The following CCDC136 variants were observed in gnomAD, a reference collection of about 807,000 sequenced individuals.
The protein encoded by CCDC136 is coiled-coil domain containing 136.
CCDC136 carries 100 observed loss-of-function variants against 141.2 expected under a neutral mutation model. The ratio of observed to expected loss-of-function variants is 0.71; its 90% CI spans 0.60 to 0.84. The LOEUF (loss-of-function observed/expected upper bound fraction) is 0.84, where lower values mean the gene tolerates loss of function less well. CCDC136 is among the 40% of genes least tolerant of loss of function. The pLI is 0.00. For missense variants in CCDC136, 1,206 were observed against 1,379.4 expected (o/e 0.87, Z 1.99); for synonymous variants, 474 against 531.9 (o/e 0.89, Z 1.50).
At chr7:128,813,129 C>G (rs563558821) in intron 14 of CCDC136, among the ~76,000 whole-genome samples, 200 bp downstream of exon 14, 1 of 152,222 alleles carries the variant, frequency 6.6e-6, no homozygotes, top group African/African-American at 2.4e-5. Context: ...CTTCTCTCAT[C>G]GAATGATTTC....
Position 128,817,971 on chromosome 7 carries a change from AT to A in CCDC136, c.*5+111del. On this transcript the variant is annotated intron_variant, in intron 17 of 17. Transcript: ENST00000297788. The surrounding 1 kb of genome is among the most constrained non-coding windows in gnomAD (Gnocchi z 4.6). ...CAGCTGCTTGCTTCTTGCTTGTGCC[AT>A]TTTATAATAGGTGATGCTCAGGTCT... 1.2e-6 allele frequency: 1 copy of A among 810,698 alleles called. No individual in the cohort carries two copies. The highest frequency in any genetic ancestry group is 2.1e-6 in the Non-Finnish European group (1 of 483,528). 50.2% of individuals were successfully genotyped at this position (810,698 alleles called of 1,614,324 possible). A position where few individuals can be genotyped will look rare whatever the true frequency, so the allele number is the denominator to read the frequency against.
intron 4 of CCDC136, 29 bp downstream of exon 4, chr7:128,801,538 A>G: frequency 6.9e-7 from 1 of 1,449,536 alleles, no homozygotes; most frequent in Non-Finnish European, 9.5e-7. Context: ...GGGTCAGTAA[A>G]GTCAAGCAGA....
chr7:128,791,162 G>T (rs1391322199), upstream of CCDC136, among the ~76,000 whole-genome samples: 1 of 152,192 alleles, frequency 6.6e-6, no homozygotes, highest in Non-Finnish European at 1.5e-5. This position sits in a 1 kb window ranked among gnomAD's most constrained non-coding sequence, Gnocchi z 7.1. Context: ...AGAACCAGGG[G>T]ATCTCGCTCC....
In CCDC136 at chr7:128,814,658, G is replaced by A. The variant is rs763639427; in HGVS notation, c.2784G>A (p.Lys928=). ...AACAGATCAAAGAACTGCAGACCAA[G>A]CTGCGGGAGCTGCAGCTGCAATACC... The part of the protein sequence containing the change: ...DKNEIKELQT[K]LRELQLQYQA... The change falls in exon 15 of 18, where the codon AAG becomes AAA. Residue 928 remains lysine (K), a synonymous_variant. Transcript: ENST00000297788. 1 of 1,590,068 alleles carries A rather than the reference G, an allele frequency of 6.3e-7. No homozygotes were observed. Among genetic ancestry groups the A allele is most frequent in the South Asian group, 1.1e-5 (1 of 88,088 alleles).
At chr7:128,797,023 G>A (rs185091442) in intron 3 of CCDC136, among the ~76,000 whole-genome samples, 1 of 152,058 alleles carries the variant, frequency 6.6e-6, no homozygotes, top group Non-Finnish European at 1.5e-5. Context: ...TTACAGGCGT[G>A]AGCCACCGCG....
chr7:128,806,105 C>A, intron 7 of CCDC136, 132 bp from the exon 8 acceptor site: 1 of 988,492 alleles, frequency 1.0e-6, no homozygotes, highest in Non-Finnish European at 1.5e-6. Context: ...GTCCATCTCA[C>A]AGAAGAAACC....
chr7:128,798,622 G>GTT (rs1803485315), intron 3 of CCDC136, among the ~76,000 whole-genome samples: 2 of 151,986 alleles, frequency 1.3e-5, no homozygotes, highest in African/African-American at 4.8e-5. Flanking sequence ...AGCATATTAG[G>GTT]GAGGTGGAGG....
At position 128,794,804 on chromosome 7, in the gene CCDC136, A is replaced by G; in HGVS notation, c.346+36A>G. On this transcript the variant is annotated intron_variant, in intron 3 of 17. Coordinates refer to ENST00000297788, the MANE Select transcript of CCDC136 (RefSeq NM_022742.5). The surrounding 1 kb of genome is among the most constrained non-coding windows in gnomAD (Gnocchi z 4.3). ...GGACTTGGACTGGAGGGAGGTGGCC[A>G]TCCAAGTGGTCACCTAAGTACTTTT... 6.6e-7 allele frequency: 1 copy of G among 1,512,948 alleles called. No individual in the cohort carries two copies. Among genetic ancestry groups the G allele is most frequent in the Non-Finnish European group, 9.0e-7 (1 of 1,113,046 alleles). 93.7% of individuals were successfully genotyped at this position (1,512,948 alleles called of 1,614,324 possible).
chr7:128,801,429 C>T lies in CCDC136; in HGVS notation c.590C>T (p.Ala197Val), dbSNP rs1319626307. Residue 197 changes from alanine (A) to valine (V), a missense_variant, in exon 4 of 18, where the codon GCC (alanine) becomes GTC (valine). Coordinates refer to ENST00000297788, the MANE Select transcript of CCDC136 (RefSeq NM_022742.5). ...RIRGDYEMEI[A>V]SLRAEMEMKS... ...CGGGGAGATTATGAGATGGAGATCG[C>T]CTCCCTCCGTGCAGAAATGGAAATG... 2.5e-6 allele frequency: 4 copies of T among 1,613,232 alleles called. No individual in the cohort carries two copies. Among genetic ancestry groups the T allele is most frequent in the African/African-American group, 2.7e-5 (2 of 74,866 alleles).
At position 128,821,786 on chromosome 7, in the gene CCDC136, T is replaced by C. The variant is rs1301019936; in HGVS notation, c.*6-13T>C. The C allele has an allele frequency of 7.7e-7, 1 of 1,290,482 alleles. No individual in the cohort carries two copies. 79.9% of individuals were successfully genotyped at this position (1,290,482 alleles called of 1,614,324 possible). A position where few individuals can be genotyped will look rare whatever the true frequency, so the allele number is the denominator to read the frequency against. On this transcript the variant is annotated splice_polypyrimidine_tract_variant and intron_variant, in intron 17 of 17. Coordinates refer to ENST00000297788, the MANE Select transcript of CCDC136 (RefSeq NM_022742.5). This position sits in a 1 kb window ranked among gnomAD's most constrained non-coding sequence, Gnocchi z 5.1. ...GAGGCTGGGCACTCACAGTTTCTCT[T>C]TGGTCCCCACAGAACATGTTTGGGT...
chr7:128,804,319 T>C (rs1339946321), intron 4 of CCDC136, among the ~76,000 whole-genome samples: 2 of 152,272 alleles, frequency 1.3e-5, no homozygotes, highest in East Asian at 3.8e-4. Flanking sequence ...TGAAAGTTTT[T>C]ACATACAGTA....
chr7:128,804,794 G>T (rs528505627), intron 5 of CCDC136, 33 bp downstream of exon 5: 109 of 1,352,102 alleles, frequency 8.1e-5, no homozygotes, highest in Admixed American at 1.9e-4. Flanking sequence ...AGAGGTCATG[G>T]GGTTCCACAG....
chr7:128,804,394 G>T (rs558681367), intron 4 of CCDC136, among the ~76,000 whole-genome samples: 1 of 152,286 alleles, frequency 6.6e-6, no homozygotes, highest in African/African-American at 2.4e-5. Context: ...TTCGGTTGAG[G>T]CTTTGAAGAT....
At chr7:128,808,074 G>C (rs1230905398) in intron 10 of CCDC136, among the ~76,000 whole-genome samples, 1 of 152,160 alleles carries the variant, frequency 6.6e-6, no homozygotes, top group African/African-American at 2.4e-5. Context: ...TCACTCTGTC[G>C]CCCAGGCTGG....
chr7:128,813,332 C>T (rs753954811), intron 14 of CCDC136, among the ~76,000 whole-genome samples: 3 of 152,184 alleles, frequency 2.0e-5, no homozygotes, highest in Admixed American at 6.5e-5. Context: ...CCTTTTGGAT[C>T]GCTCACAATG....
At chr7:128,818,732 C>T (rs927114809) in intron 17 of CCDC136, among the ~76,000 whole-genome samples, 2 of 152,166 alleles carry the variant, frequency 1.3e-5, no homozygotes, top group South Asian at 2.1e-4. Context: ...ACACTGTCAA[C>T]AGGATACCAA....
intron 4 of CCDC136, among the ~76,000 whole-genome samples, chr7:128,803,822 T>G (rs1804413803): frequency 6.6e-6 from 1 of 151,234 alleles, no homozygotes; most frequent in African/African-American, 2.4e-5. Context: ...TTCCTTTTTT[T>G]TTTTTTTTTT....
At position 128,805,538 on chromosome 7, in the gene CCDC136, G is replaced by T. The variant is rs2061443665; in HGVS notation, c.948+14G>T. On this transcript the variant is annotated intron_variant, in intron 6 of 17. Coordinates refer to ENST00000297788, the MANE Select transcript of CCDC136 (RefSeq NM_022742.5). This position sits in a 1 kb window ranked among gnomAD's most constrained non-coding sequence, Gnocchi z 4.6. ...ATGAAGAACAAGGTAGGGCACAGAGGGTGGGGAAGGCAGGCACATTTCTTG... is the reference window on the plus strand; with the variant it reads ...ATGAAGAACAAGGTAGGGCACAGAGTGTGGGGAAGGCAGGCACATTTCTTG... 5 of 1,589,798 alleles carry T rather than the reference G, an allele frequency of 3.1e-6. No individual in the cohort carries two copies. The highest frequency in any genetic ancestry group is 4.3e-6 in the Non-Finnish European group (5 of 1,166,536).
intron 17 of CCDC136, among the ~76,000 whole-genome samples, chr7:128,819,908 C>A (rs149187448): frequency 9.3e-4 from 141 of 152,214 alleles, no homozygotes; most frequent in African/African-American, 3.3e-3. Context: ...TTATTTATTT[C>A]ATGTATTTTT....
Sources: gnomAD v4.1 joint callset for allele counts (sites outside exome capture counted in the v4.1 genomes callset) on GRCh38, gnomAD v4.1.1 for gene constraint, Gnocchi (gnomAD v3.1) non-coding constraint, MANE v1.5 for transcripts, NCBI Gene and HGNC (gene_info 2026-07-23, HGNC 2026-07-21) for gene names.